Variants in CHMP3 observed in about 807,000 individuals in gnomAD.
The protein encoded by CHMP3 is charged multivesicular body protein 3.
In CHMP3, 8 loss-of-function variants were observed where a neutral mutation model predicts 27.4. The ratio of observed to expected loss-of-function variants is 0.29; its 90% confidence interval spans 0.17 to 0.53. CHMP3 has a LOEUF of 0.53. Ranked by LOEUF, CHMP3 falls within the 20% of genes least tolerant of loss-of-function variation. CHMP3 has a pLI of 0.96. For synonymous variants in CHMP3, 86 were observed against 85.5 expected (o/e 1.01, Z -0.03); for missense variants, 208 against 271.5 (o/e 0.77, Z 1.64).
intron 5 of CHMP3, 30 bp downstream of exon 5, chr2:86,507,445 AAGAG>A (rs1479800122): frequency 5.0e-6 from 8 of 1,590,236 alleles, no homozygotes; most frequent in Non-Finnish European, 6.9e-6. Flanking sequence ...TGGCCATAAA[AAGAG>A]AGGAGAAAGG....
intron 1 of CHMP3, among the ~76,000 whole-genome samples, chr2:86,553,636 A>C (rs568957737): frequency 6.6e-6 from 1 of 152,326 alleles, no homozygotes; most frequent in Admixed American, 6.5e-5. Context: ...GACCCCAAAC[A>C]GATTTTTAAA....
chr2:86,555,635 T>C (rs1363203561), intron 1 of CHMP3, among the ~76,000 whole-genome samples: 3 of 152,190 alleles, frequency 2.0e-5, no homozygotes, highest in Non-Finnish European at 2.9e-5. Context: ...GAAGAATCCA[T>C]TTCTTGCCTT....
chr2:86,561,193 A>C (rs1179446569), intron 1 of CHMP3, among the ~76,000 whole-genome samples: 1 of 152,252 alleles, frequency 6.6e-6, no homozygotes, highest in African/African-American at 2.4e-5. Flanking sequence ...GATAATTCTA[A>C]GTATAGGCCT....
At chr2:86,560,119 G>C (rs769912767) in intron 1 of CHMP3, among the ~76,000 whole-genome samples, 9 of 152,262 alleles carry the variant, frequency 5.9e-5, no homozygotes, top group Non-Finnish European at 8.8e-5. Context: ...CAAAAAATTA[G>C]CCAGATGTGG....
chr2:86,560,265 A>G (rs1677295485), intron 1 of CHMP3, among the ~76,000 whole-genome samples: 1 of 152,172 alleles, frequency 6.6e-6, no homozygotes, highest in African/African-American at 2.4e-5. Context: ...CCATCTCAAA[A>G]AAAAAAAATT....
In CHMP3 at chr2:86,505,280, C is replaced by CT. The variant is rs1234546718; in HGVS notation, c.*523dup. ...TAAAAGAATGGCTGCCATACCATGT[C>CT]TGTGAAAGCCGGGGAGCAGCAACCA... On this transcript the variant is annotated 3_prime_UTR_variant, in exon 6 of 6. Coordinates refer to ENST00000263856, the MANE Select transcript of CHMP3 (RefSeq NM_016079.4). The CT allele has an allele frequency of 6.6e-6, 1 of 152,326 alleles. No homozygotes were observed. Among genetic ancestry groups the CT allele is most frequent in the Non-Finnish European group, 1.5e-5 (1 of 68,102 alleles). 9.4% of individuals were successfully genotyped at this position (152,326 alleles called of 1,614,324 possible).
At chr2:86,524,659 G>A (rs536733891) in intron 3 of CHMP3, among the ~76,000 whole-genome samples, 2 of 152,280 alleles carry the variant, frequency 1.3e-5, no homozygotes, top group East Asian at 3.9e-4. Flanking sequence ...TATCTGTGGG[G>A]ATCCTGGAAC....
At chr2:86,507,453 A>G (rs1558642337) in intron 5 of CHMP3, 26 bp downstream of exon 5, 2 of 1,599,508 alleles carry the variant, frequency 1.3e-6, no homozygotes, top group Admixed American at 1.7e-5. Flanking sequence ...AAAAGAGAGG[A>G]GAAAGGATGG....
intron 5 of CHMP3, among the ~76,000 whole-genome samples, chr2:86,506,882 T>A (rs1674908152): frequency 6.6e-6 from 1 of 152,162 alleles, no homozygotes; most frequent in African/African-American, 2.4e-5. Context: ...GTGTTGGGAT[T>A]ACAGGCATAA....
chr2:86,554,604 T>C (rs763563116), intron 1 of CHMP3, among the ~76,000 whole-genome samples: 13 of 152,198 alleles, frequency 8.5e-5, no homozygotes, highest in Non-Finnish European at 1.3e-4. Context: ...CTGATGAATG[T>C]ACAAATCAGT....
Position 86,542,304 on chromosome 2 carries a change from C to G in CHMP3, c.54G>C (p.Glu18Asp). ...TTTCCTTTCTTATCTTCAATGACCA[C>G]TCATTGACCTGGGAAAATTTTTAGA... ...QEKPPKELVNEWSLKIRKEMR... is the reference protein window; with the variant it reads ...QEKPPKELVNDWSLKIRKEMR... The change falls in exon 2 of 6, where the codon GAG becomes GAC. Residue 18 changes from glutamate (E) to aspartate (D), a missense_variant. Coordinates refer to ENST00000263856, the MANE Select transcript of CHMP3 (RefSeq NM_016079.4). 1 of 1,613,362 alleles carries G rather than the reference C, an allele frequency of 6.2e-7. No homozygotes were observed.
At chr2:86,537,440 G>C (rs1381667926) in intron 2 of CHMP3, among the ~76,000 whole-genome samples, 1 of 152,028 alleles carries the variant, frequency 6.6e-6, no homozygotes, top group Non-Finnish European at 1.5e-5. Context: ...TTAAGTCTTT[G>C]TTTAGCAAAT....
At chr2:86,559,827 T>G (rs1273844305) in intron 1 of CHMP3, among the ~76,000 whole-genome samples, 1 of 152,160 alleles carries the variant, frequency 6.6e-6, no homozygotes, top group African/African-American at 2.4e-5. Flanking sequence ...ATGGAACACA[T>G]GACAGTGAAA....
intron 3 of CHMP3, among the ~76,000 whole-genome samples, chr2:86,519,801 G>A (rs1029356834): frequency 1.3e-5 from 2 of 152,280 alleles, no homozygotes; most frequent in African/African-American, 2.4e-5. Context: ...ATCTGTAAAA[G>A]TTTTGGAGTG....
intron 2 of CHMP3, among the ~76,000 whole-genome samples, chr2:86,532,625 T>C (rs1331127298): frequency 6.6e-6 from 1 of 152,162 alleles, no homozygotes; most frequent in Non-Finnish European, 1.5e-5. Context: ...TTCCTAGTTG[T>C]TGTTTTTAGC....
chr2:86,553,951 T>C (rs1169178120), intron 1 of CHMP3, among the ~76,000 whole-genome samples: 1 of 152,238 alleles, frequency 6.6e-6, no homozygotes, highest in South Asian at 2.1e-4. Flanking sequence ...GGTATGAATG[T>C]TGGTGCATGT....
intron 3 of CHMP3, among the ~76,000 whole-genome samples, chr2:86,528,096 C>T (rs1675785308): frequency 1.3e-5 from 2 of 151,892 alleles, no homozygotes; most frequent in South Asian, 4.1e-4. Context: ...GAGAAAGAAA[C>T]TAATGATACA....
intron 1 of CHMP3, among the ~76,000 whole-genome samples, chr2:86,556,892 G>A (rs113328108): frequency 9.2e-5 from 14 of 152,104 alleles, no homozygotes; most frequent in Admixed American, 3.3e-4. Flanking sequence ...TCTGCGGGTC[G>A]GACCCGGAAC....
chr2:86,515,680 G>A (rs1186393394), intron 3 of CHMP3, among the ~76,000 whole-genome samples: 1 of 151,994 alleles, frequency 6.6e-6, no homozygotes, highest in Non-Finnish European at 1.5e-5. Flanking sequence ...CTAGCACTGT[G>A]CCTGACACAG....
Sources: allele counts gnomAD v4.1 joint callset (sites outside exome capture counted in the v4.1 genomes callset), GRCh38; gene constraint gnomAD v4.1.1; transcripts MANE v1.5; gene names NCBI Gene and HGNC (gene_info 2026-07-23, HGNC 2026-07-21).